The following DNAH2 variants were observed in gnomAD, a reference collection of about 807,000 sequenced individuals.
DNAH2 encodes dynein axonemal heavy chain 2, also known as axonemal beta dynein heavy chain 2.
A neutral mutation model predicts 523.5 loss-of-function variants in DNAH2; 323 were observed. That is an observed-to-expected ratio of 0.62 (90% CI 0.56 to 0.68). DNAH2 has a LOEUF of 0.68. Ranked by LOEUF, DNAH2 falls within the 30% of genes least tolerant of loss-of-function variation. DNAH2 has a pLI of 0.00. For synonymous variants in DNAH2, 2,093 were observed against 2,177.4 expected, an observed-to-expected ratio of 0.96 and a Z score of 1.08; for missense variants, 4,907 against 5,701.5, an observed-to-expected ratio of 0.86 and a Z score of 4.49.
chr17:7,753,631 T>C (rs901184178), intron 12 of DNAH2, among the ~76,000 whole-genome samples: 8 of 151,970 alleles, frequency 5.3e-5, no homozygotes, highest in African/African-American at 1.7e-4. Flanking sequence ...TTGAAGAAAG[T>C]GGGGTGTAGT....
chr17:7,827,106 T>C (rs2078041271), intron 77 of DNAH2, among the ~76,000 whole-genome samples: 1 of 152,188 alleles, frequency 6.6e-6, no homozygotes, highest in African/African-American at 2.4e-5. Flanking sequence ...GTGCTTGACA[T>C]TCATTCATGA....
chr17:7,763,435 T>G (rs1049543530), intron 18 of DNAH2, among the ~76,000 whole-genome samples: 1 of 151,984 alleles, frequency 6.6e-6, no homozygotes, highest in Admixed American at 6.6e-5. Context: ...CGTGAGCCAC[T>G]GTGCCTGGCC....
intron 21 of DNAH2, 52 bp downstream of exon 21, chr17:7,765,617 G>C: frequency 6.4e-7 from 1 of 1,564,030 alleles, no homozygotes; most frequent in Non-Finnish European, 8.7e-7. Flanking sequence ...TAGAGACCCC[G>C]CCTTCCAAGC....
At position 7,802,026 on chromosome 17, in the gene DNAH2, G is replaced by T. The variant is rs8073196; in HGVS notation, c.8972+9G>T. 25 of 1,613,710 alleles carry T rather than the reference G, an allele frequency of 1.5e-5. No individual in the cohort carries two copies. The highest frequency in any genetic ancestry group is 2.2e-5 in the East Asian group (1 of 44,896). ...CTGTCTGGATATAAGAAGTATGAAG[G>T]GGGGCAGGGGATGTGCAGGGCCAGG... is the stretch of plus-strand genomic sequence containing the variant. On this transcript the variant is annotated intron_variant, in intron 58 of 85. Coordinates refer to ENST00000572933, the MANE Select transcript of DNAH2 (RefSeq NM_020877.5).
chr17:7,825,939 C>T (rs1429719193), intron 77 of DNAH2, among the ~76,000 whole-genome samples: 4 of 152,144 alleles, frequency 2.6e-5, no homozygotes, highest in Non-Finnish European at 4.4e-5. Context: ...GTGGCTCAGG[C>T]CGGGTGTGAT....
chr17:7,743,111 A>G lies in DNAH2; in HGVS notation c.1873A>G (p.Lys625Glu), dbSNP rs145193846. 67 of 1,575,182 alleles carry G rather than the reference A, an allele frequency of 4.3e-5. No individual in the cohort carries two copies. The African/African-American group carries it at 7.7e-4, about 18-fold the overall frequency. The change falls in exon 12 of 86, where the codon AAG becomes GAG. Residue 625 changes from lysine (K) to glutamate (E), a missense_variant. Coordinates refer to ENST00000572933, the MANE Select transcript of DNAH2 (RefSeq NM_020877.5). The part of the protein sequence containing the change: ...DTPLLRISQE[K>E]AGMLDVNFDK... ...CCCATTGCTGCGAATCAGCCAGGAG[A>G]AGGCGGGCATGCTGGATGTCAACTT...
intron 11 of DNAH2, among the ~76,000 whole-genome samples, chr17:7,742,543 C>T (rs1168034133): frequency 6.6e-6 from 1 of 152,200 alleles, no homozygotes; most frequent in African/African-American, 2.4e-5. Flanking sequence ...GTTAGGCAGC[C>T]TGCAGATAGC....
intron 49 of DNAH2, among the ~76,000 whole-genome samples, chr17:7,796,012 G>C (rs1355773438): frequency 6.9e-6 from 1 of 144,400 alleles, no homozygotes; most frequent in Non-Finnish European, 1.5e-5. Flanking sequence ...TTATATAATA[G>C]TATTTGTCAG....
At position 7,831,406 on chromosome 17, in the gene DNAH2, C is replaced by G. The variant is rs550387246; in HGVS notation, c.12476C>G (p.Ala4159Gly). Residue 4159 changes from alanine to glycine, a missense_variant, in exon 81 of 86, where the codon GCT becomes GGT. Coordinates refer to ENST00000572933, the MANE Select transcript of DNAH2 (RefSeq NM_020877.5). This position sits in a 1 kb window ranked among gnomAD's most constrained non-coding sequence, Gnocchi z 4.2. ...TREEKVLELA[A>G]DVKQKIPEMI... ...CCTGCTCAGGTCCTTGAGTTGGCCG[C>G]TGATGTGAAGCAGAAGATCCCTGAA... The G allele has an allele frequency of 6.2e-7, 1 of 1,614,098 alleles. No individual in the cohort carries two copies. The highest frequency in any genetic ancestry group is 2.2e-5 in the East Asian group (1 of 44,878).
At chr17:7,747,257 C>A (rs573386420) in intron 12 of DNAH2, among the ~76,000 whole-genome samples, 61 of 152,064 alleles carry the variant, frequency 4.0e-4, no homozygotes, top group African/African-American at 1.3e-3. Flanking sequence ...CTGGGAGCCA[C>A]TGCACCCCGT....
intron 20 of DNAH2, 130 bp downstream of exon 20, chr17:7,764,403 C>G: frequency 3.5e-6 from 4 of 1,129,184 alleles, no homozygotes; most frequent in Non-Finnish European, 5.1e-6. Flanking sequence ...AAAGCCAAAG[C>G]TAGCTCAAAT....
In DNAH2 at chr17:7,734,686, T is replaced by C. The variant is rs750898784; in HGVS notation, c.956T>C (p.Met319Thr). ...LAKSSYLAPF[M>T]KLAQQIQDGS... Reference sequence around the variant, plus strand: ...AAGTCGTCCTACTTGGCGCCCTTTATGAAACTGGCACAGCAGATCCAGGTT... The same window carrying C: ...AAGTCGTCCTACTTGGCGCCCTTTACGAAACTGGCACAGCAGATCCAGGTT... Residue 319 changes from methionine to threonine, a missense_variant, in exon 7 of 86, where the codon ATG (methionine) becomes ACG (threonine). This residue lies in a region of DNAH2 where 2,806 missense variants were observed against 3,190.8 expected (regional missense o/e 0.88). Coordinates refer to ENST00000572933, the MANE Select transcript of DNAH2 (RefSeq NM_020877.5). 1 of 1,612,460 alleles carries C rather than the reference T, an allele frequency of 6.2e-7. No homozygotes were observed. The highest frequency in any genetic ancestry group is 1.1e-5 in the South Asian group (1 of 90,794).
At chr17:7,781,277 C>A in intron 39 of DNAH2, 110 bp downstream of exon 39, 1 of 1,253,744 alleles carries the variant, frequency 8.0e-7, no homozygotes, top group Non-Finnish European at 1.1e-6. Context: ...GAGTTTGAGA[C>A]TAGCCTGGGC....
In DNAH2 at chr17:7,817,659, C is replaced by G. The variant is rs1216296238; in HGVS notation, c.10119C>G (p.Pro3373=). The change falls in exon 66 of 86, where the codon CCC becomes CCG. Residue 3373 remains proline (P), a synonymous_variant. Coordinates refer to ENST00000572933, the MANE Select transcript of DNAH2 (RefSeq NM_020877.5). ...KVRDWNIQGL[P]SDAFSTENGI... ...GGGACTGGAACATCCAAGGGTTGCC[C>G]TCAGACGCCTTCTCCACTGAGAATG... 6.2e-7 allele frequency: 1 copy of G among 1,614,022 alleles called. No individual in the cohort carries two copies. Among genetic ancestry groups the G allele is most frequent in the Non-Finnish European group, 8.5e-7 (1 of 1,180,018 alleles).
chr17:7,751,658 T>C (rs2075686324), intron 12 of DNAH2, among the ~76,000 whole-genome samples: 1 of 152,108 alleles, frequency 6.6e-6, no homozygotes, highest in Non-Finnish European at 1.5e-5. Flanking sequence ...TCGTGTCTAT[T>C]TTGGGATTCT....
chr17:7,823,899 C>A lies in DNAH2; in HGVS notation c.11395C>A (p.Arg3799Ser). The A allele has an allele frequency of 6.2e-7, 1 of 1,614,122 alleles. No homozygotes were observed. Among genetic ancestry groups the A allele is most frequent in the Non-Finnish European group, 8.5e-7 (1 of 1,180,042 alleles). ...MLIVRSLRQDRVAFCVTSFII... is the reference protein window; with the variant it reads ...MLIVRSLRQDSVAFCVTSFII... ...GATCGTTCGCTCCCTGCGCCAGGAC[C>A]GCGTGGCCTTCTGCGTGACCTCCTT... is the stretch of plus-strand genomic sequence containing the variant. Residue 3799 changes from arginine (R) to serine (S), a missense_variant, in exon 75 of 86, where the codon CGC becomes AGC. Transcript: ENST00000572933.
At chr17:7,766,610 TGAGG>T in intron 22 of DNAH2, 129 bp downstream of exon 22, 1 of 923,022 alleles carries the variant, frequency 1.1e-6, no homozygotes, top group Non-Finnish European at 1.5e-6. Context: ...TTGTTTCAGT[TGAGG>T]TAAAATTCAT....
rs2076796039 is a variant in DNAH2, at chr17:7,788,160, C to T, written c.6816C>T (p.Cys2272=). ...TGCTGGCCTTTAAGAAGGACAACTG[C>T]AAGGAGCTGGTGCCCCTGCCCGAGT... is the stretch of plus-strand genomic sequence containing the variant. ...NKMLAFKKDN[C]KELVPLPEYS... Residue 2272 remains cysteine (C), a synonymous_variant, in exon 44 of 86, where the codon TGC becomes TGT. Transcript: ENST00000572933. 9 of 1,614,140 alleles carry T rather than the reference C, an allele frequency of 5.6e-6. No individual in the cohort carries two copies. Among genetic ancestry groups the T allele is most frequent in the Non-Finnish European group, 7.6e-6 (9 of 1,180,000 alleles).
chr17:7,791,521 C>T (rs778947244), intron 44 of DNAH2, among the ~76,000 whole-genome samples: 1 of 152,172 alleles, frequency 6.6e-6, no homozygotes, highest in Non-Finnish European at 1.5e-5. Flanking sequence ...TAGAACACTA[C>T]ATTTTATTTT....
Sources: gnomAD v4.1 joint callset for allele counts (sites outside exome capture counted in the v4.1 genomes callset) on GRCh38, gnomAD v4.1.1 for gene constraint, gnomAD v4.1.1 regional missense constraint, Gnocchi (gnomAD v3.1) non-coding constraint, MANE v1.5 for transcripts, NCBI Gene and HGNC (gene_info 2026-07-23, HGNC 2026-07-21) for gene names.